The following IPO7 variants were observed in gnomAD, a reference collection of about 807,000 sequenced individuals.
IPO7 encodes importin-7.
A neutral mutation model predicts 136.4 loss-of-function variants in IPO7; 13 were observed. The observed-to-expected ratio is 0.10, with a 90% CI of 0.06 to 0.15. IPO7 has a LOEUF of 0.15. IPO7 is among the 10% of genes least tolerant of loss of function. The pLI is 1.00. For missense variants in IPO7, 857 were observed against 1,240.6 expected (o/e 0.69, Z 4.65); for synonymous variants, 403 against 404.4 (o/e 1.00, Z 0.04).
At chr11:9,437,728 G>C in intron 20 of IPO7, 26 bp from the exon 21 acceptor site, 1 of 1,501,230 alleles carries the variant, frequency 6.7e-7, no homozygotes, top group Non-Finnish European at 9.2e-7. Context: ...TATAGTCTTA[G>C]AATATCTTGC....
At chr11:9,419,095 ACT>A (rs1472232259) in intron 6 of IPO7, among the ~76,000 whole-genome samples, 1 of 152,054 alleles carries the variant, frequency 6.6e-6, no homozygotes, top group African/African-American at 2.4e-5. Flanking sequence ...TGTTTTTCAC[ACT>A]CTTGCATAAA....
At position 9,438,077 on chromosome 11, in the gene IPO7, T is replaced by TTA. The variant is rs1554956371; in HGVS notation, c.2490-3_2490-2insTA. On this transcript the variant is annotated splice_region_variant and splice_polypyrimidine_tract_variant and intron_variant, in intron 21 of 24. Transcript: ENST00000379719. ...TTTTTTTTTTTTTTTTTTTTTTTTT[T>TTA]AGGCTTCATGACAGAAAGATGTGTG... is the stretch of plus-strand genomic sequence containing the variant. The TTA allele has an allele frequency of 1.9e-5, 23 of 1,201,272 alleles. No homozygotes were observed. Among genetic ancestry groups the TTA allele is most frequent in the South Asian group, 2.7e-5 (2 of 72,944 alleles). 74.4% of individuals were successfully genotyped at this position (1,201,272 alleles called of 1,614,324 possible). A position where few individuals can be genotyped will look rare whatever the true frequency, so the allele number is the denominator to read the frequency against.
At chr11:9,397,353 TA>T (rs1564992026) in intron 1 of IPO7, among the ~76,000 whole-genome samples, 2 of 31,780 alleles carry the variant, frequency 6.3e-5, no homozygotes, top group East Asian at 4.7e-3. Flanking sequence ...TATATATATA[TA>T]TATATATATA....
chr11:9,435,013 A>T lies in IPO7; in HGVS notation c.2154A>T (p.Ile718=). Residue 718 remains isoleucine (I), a synonymous_variant, in exon 19 of 25, where the codon ATA becomes ATT. Coordinates refer to ENST00000379719, the MANE Select transcript of IPO7 (RefSeq NM_006391.3). ...CTGACACCAAGTATCTTGAAATGAT[A>T]TACAGTATGTGCAAAAAGGTAGGTC... ...LLSDTKYLEM[I]YSMCKKVLTG... 6.3e-7 allele frequency: 1 copy of T among 1,599,276 alleles called. No homozygotes were observed. The highest frequency in any genetic ancestry group is 8.6e-7 in the Non-Finnish European group (1 of 1,166,906).
chr11:9,421,954 A>G (rs532105964), intron 8 of IPO7, among the ~76,000 whole-genome samples: 2 of 150,574 alleles, frequency 1.3e-5, no homozygotes, highest in South Asian at 4.2e-4. Context: ...AAAAAAAAGA[A>G]AACTTGTTCT....
At chr11:9,440,942 A>G (rs1038162488) in intron 23 of IPO7, among the ~76,000 whole-genome samples, 5 of 152,160 alleles carry the variant, frequency 3.3e-5, no homozygotes, top group Non-Finnish European at 7.4e-5. Flanking sequence ...CTGATTCCCA[A>G]TCTCCCAGCT....
At chr11:9,438,045 G>GGTT in intron 21 of IPO7, 35 bp from the exon 22 acceptor site, 2 of 1,087,780 alleles carry the variant, frequency 1.8e-6, no homozygotes, top group Non-Finnish European at 2.4e-6. Context: ...AAAGAAAACA[G>GGTT]TTTTTTTTTT....
chr11:9,420,584 G>A (rs192119798), intron 7 of IPO7, 30 bp from the exon 8 acceptor site: 2 of 1,579,862 alleles, frequency 1.3e-6, no homozygotes. Context: ...GCATTATAAA[G>A]AAACAATGGG....
At chr11:9,391,690 A>G (rs932839407) in intron 1 of IPO7, among the ~76,000 whole-genome samples, 1 of 152,214 alleles carries the variant, frequency 6.6e-6, no homozygotes, top group African/African-American at 2.4e-5. Flanking sequence ...GGCGACAGCA[A>G]GACTCCATCT....
chr11:9,397,361 T>TATATATATATAA (rs377148636), intron 1 of IPO7, among the ~76,000 whole-genome samples: 2 of 42,280 alleles, frequency 4.7e-5, no homozygotes, highest in South Asian at 1.0e-3. Flanking sequence ...TATATATATA[T>TATATATATATAA]ATATTAGTCG....
In IPO7 at chr11:9,408,479, A is replaced by G. The variant is rs1447860383; in HGVS notation, c.167-7A>G. 13 of 1,519,856 alleles carry G rather than the reference A, an allele frequency of 8.6e-6. No individual in the cohort carries two copies. Among genetic ancestry groups the G allele is most frequent in the African/African-American group, 1.4e-5 (1 of 70,490 alleles). 94.1% of individuals were successfully genotyped at this position (1,519,856 alleles called of 1,614,324 possible). ...ACATTCTTTTGTCAAACTGATCTGTATTTTAGGTGTTATCTATCTGAAAAA... is the reference window on the plus strand; with the variant it reads ...ACATTCTTTTGTCAAACTGATCTGTGTTTTAGGTGTTATCTATCTGAAAAA... On this transcript the variant is annotated splice_region_variant and splice_polypyrimidine_tract_variant and intron_variant, in intron 2 of 24. Transcript: ENST00000379719.
chr11:9,397,341 A>AAAAAAAAAT, intron 1 of IPO7, among the ~76,000 whole-genome samples: 225 of 10,768 alleles, frequency 0.021, 20 homozygotes, highest in South Asian at 0.053. Flanking sequence ...TTTAAAAAAA[A>AAAAAAAAAT]ATATATATAT....
intron 13 of IPO7, 83 bp from the exon 14 acceptor site, chr11:9,428,948 C>T (rs1350183583): frequency 1.7e-5 from 22 of 1,267,174 alleles, no homozygotes; most frequent in Non-Finnish European, 2.5e-5. Context: ...CAAATTCCCA[C>T]ACACAGAACT....
At position 9,442,223 on chromosome 11, in the gene IPO7, T is replaced by C. The variant is rs1037832403; in HGVS notation, c.3019+26T>C. 9 of 1,005,662 alleles carry C rather than the reference T, an allele frequency of 8.9e-6. No individual in the cohort carries two copies. In the African/African-American group the frequency reaches 1.3e-4, roughly 14 times the overall value. The allele number at this position is 1,005,662 out of a possible 1,614,324, so 62.3% of individuals were successfully genotyped here. On this transcript the variant is annotated intron_variant, in intron 24 of 24. Coordinates refer to ENST00000379719, the MANE Select transcript of IPO7 (RefSeq NM_006391.3). ...GTATGTTAATTAACTGTAACTCCTC[T>C]TTAATTAGTGACTTTTATAGGTTTA...
chr11:9,412,703 A>G (rs1854983679), intron 4 of IPO7, among the ~76,000 whole-genome samples: 1 of 152,020 alleles, frequency 6.6e-6, no homozygotes, highest in African/African-American at 2.4e-5. Flanking sequence ...GTGGTGGCAC[A>G]TGCCTGTAGT....
At chr11:9,435,876 A>T (rs1482665185) in intron 19 of IPO7, among the ~76,000 whole-genome samples, 1 of 152,156 alleles carries the variant, frequency 6.6e-6, no homozygotes, top group Non-Finnish European at 1.5e-5. Context: ...TTTAAAGAGA[A>T]AAGGGTTTCC....
chr11:9,390,091 A>G (rs760671570), intron 1 of IPO7, among the ~76,000 whole-genome samples: 3 of 152,082 alleles, frequency 2.0e-5, no homozygotes, highest in Non-Finnish European at 4.4e-5. Context: ...GGGTTTCGCC[A>G]TGTTGGCCAG....
At chr11:9,428,205 T>C (rs1409625359) in intron 12 of IPO7, among the ~76,000 whole-genome samples, 1 of 152,176 alleles carries the variant, frequency 6.6e-6, no homozygotes, top group Admixed American at 6.5e-5. Flanking sequence ...GTTATGTTAT[T>C]TTCAGCCAGA....
At chr11:9,396,236 A>G (rs1024616954) in intron 1 of IPO7, among the ~76,000 whole-genome samples, 4 of 152,104 alleles carry the variant, frequency 2.6e-5, no homozygotes, top group East Asian at 2.0e-4. Flanking sequence ...TCTACTAAAA[A>G]TACAAAAATT....
Sources: gnomAD v4.1 joint callset for allele counts (sites outside exome capture counted in the v4.1 genomes callset) on GRCh38, gnomAD v4.1.1 for gene constraint, MANE v1.5 for transcripts, NCBI Gene and HGNC (gene_info 2026-07-23, HGNC 2026-07-21) for gene names.